Variants in KLF5 observed in about 807,000 individuals in gnomAD.
KLF5 encodes Krueppel-like factor 5.
Under a neutral mutation model 36.9 loss-of-function variants are expected in KLF5, and 9 were observed. That is an observed-to-expected ratio of 0.24 (90% CI 0.15 to 0.43). KLF5 has a LOEUF of 0.43. Among genes scored for constraint, KLF5 ranks in the 20% least tolerant of loss-of-function variants. The pLI is 1.00. For synonymous variants in KLF5, 246 were observed against 241.7 expected, an observed-to-expected ratio of 1.02 and a Z score of -0.17; for missense variants, 524 against 599.5, an observed-to-expected ratio of 0.87 and a Z score of 1.31.
Position 73,062,324 on chromosome 13 carries a change from C to T in KLF5, c.725C>T (p.Ser242Phe), listed in dbSNP as rs773535185. 1 of 1,614,180 alleles carries T rather than the reference C, an allele frequency of 6.2e-7. No homozygotes were observed. The highest frequency in any genetic ancestry group is 1.1e-5 in the South Asian group (1 of 91,086). The part of the protein sequence containing the change: ...LNTPDLDMPS[S>F]TNQTAAMDTL... Reference sequence around the variant, plus strand: ...ACACCGGATCTAGATATGCCCAGTTCTACAAATCAGACAGCAGCAATGGAC... The same window carrying T: ...ACACCGGATCTAGATATGCCCAGTTTTACAAATCAGACAGCAGCAATGGAC... The change falls in exon 2 of 4, where the codon TCT becomes TTT. Residue 242 changes from serine to phenylalanine, a missense_variant. This residue lies in a region of KLF5 where 454 missense variants were observed against 458.1 expected (regional missense o/e 0.99). Coordinates refer to ENST00000377687, the MANE Select transcript of KLF5 (RefSeq NM_001730.5).
intron 3 of KLF5, among the ~76,000 whole-genome samples, chr13:73,071,248 C>G (rs531787765): frequency 6.6e-6 from 1 of 152,006 alleles, no homozygotes; most frequent in African/African-American, 2.4e-5. Context: ...AGTGAGGTAT[C>G]GGATTTTAAA....
At chr13:73,059,813 C>A in intron 1 of KLF5, 7 of 900,606 alleles carry the variant, frequency 7.8e-6, no homozygotes, top group Non-Finnish European at 9.3e-6. Flanking sequence ...GGAGGGGAAT[C>A]TGCCCCGGCG....
Position 73,061,624 on chromosome 13 carries a change from C to T in KLF5, c.262-237C>T, listed in dbSNP as rs145332588. Among the ~76,000 whole-genome samples the T allele has an allele frequency of 9.8e-4, 149 of 152,188 alleles. 1 individual carries two copies. Among genetic ancestry groups the T allele is most frequent in the African/African-American group, 3.4e-3 (143 of 41,522 alleles). The stretch of plus-strand genomic sequence containing the variant: ...TTTTATTCTTGATTTGCGTCTTTCA[C>T]TTTTGGGGGTGATTGGGGGAGCAGT... On this transcript the variant is annotated intron_variant, in intron 1 of 3. Transcript: ENST00000377687.
At chr13:73,074,091 T>C (rs1236531104) in intron 3 of KLF5, among the ~76,000 whole-genome samples, 1 of 152,084 alleles carries the variant, frequency 6.6e-6, no homozygotes, top group African/African-American at 2.4e-5. Context: ...CCATGGGAAA[T>C]GTAGGTGAAC....
chr13:73,076,803 A>T lies in KLF5; in HGVS notation c.*917A>T, dbSNP rs1566568027. ...ACTTAGGGTGTCGTTTTCACATATGACAATGTTGCATTTATGATGCAGTTT... is the reference window on the plus strand; with the variant it reads ...ACTTAGGGTGTCGTTTTCACATATGTCAATGTTGCATTTATGATGCAGTTT... On this transcript the variant is annotated 3_prime_UTR_variant, in exon 4 of 4. Coordinates refer to ENST00000377687, the MANE Select transcript of KLF5 (RefSeq NM_001730.5). The T allele has an allele frequency of 2.6e-5, 4 of 152,228 alleles. No homozygotes were observed. The highest frequency in any genetic ancestry group is 5.9e-5 in the Non-Finnish European group (4 of 68,034). 9.4% of individuals were successfully genotyped at this position (152,228 alleles called of 1,614,324 possible). A position where few individuals can be genotyped will look rare whatever the true frequency, so the allele number is the denominator to read the frequency against.
At chr13:73,067,620 C>G (rs574439481) in intron 3 of KLF5, among the ~76,000 whole-genome samples, 1 of 152,062 alleles carries the variant, frequency 6.6e-6, no homozygotes, top group African/African-American at 2.4e-5. Context: ...CTATCTGGAA[C>G]AGGGCAAGAA....
intron 1 of KLF5, among the ~76,000 whole-genome samples, chr13:73,061,476 ACATTTCAATACTGTACTCT>A (rs2044634412): frequency 1.3e-5 from 2 of 152,258 alleles, no homozygotes; most frequent in Non-Finnish European, 2.9e-5. Flanking sequence ...TAGTTTGGCA[ACATTTCAATACTGTACTCT>A]AATTGCAAAC....
chr13:73,074,054 A>G (rs1186660784), intron 3 of KLF5, among the ~76,000 whole-genome samples: 1 of 152,214 alleles, frequency 6.6e-6, no homozygotes, highest in Non-Finnish European at 1.5e-5. Context: ...AGGAGAGAAG[A>G]GAGGAAGTAT....
rs1444728959 is a variant in KLF5 at position 73,062,412 on chromosome 13, G to T, written c.813G>T (p.Pro271=). ...TTAACACACACACCTCTGCTGTTCC[G>T]CAGACTGCAGTGAAACAATTCCAGG... ...AGLNTHTSAV[P]QTAVKQFQGM... Residue 271 remains proline, a synonymous_variant, in exon 2 of 4, where the codon CCG becomes CCT. Coordinates refer to ENST00000377687, the MANE Select transcript of KLF5 (RefSeq NM_001730.5). 6.2e-7 allele frequency: 1 copy of T among 1,613,992 alleles called. No homozygotes were observed. Among genetic ancestry groups the T allele is most frequent in the African/African-American group, 1.3e-5 (1 of 74,888 alleles).
intron 3 of KLF5, among the ~76,000 whole-genome samples, chr13:73,070,388 CT>C (rs779139158): frequency 3.3e-5 from 5 of 152,302 alleles, no homozygotes; most frequent in Non-Finnish European, 7.4e-5. Flanking sequence ...CTCATTGACA[CT>C]TTAACGTCAG....
At chr13:73,074,901 T>G (rs1283077516) in intron 3 of KLF5, 1 of 152,230 alleles carries the variant, frequency 6.6e-6, no homozygotes. Context: ...AATAGATGCT[T>G]GGCGAATTGT....
chr13:73,073,259 T>G (rs2044735134), intron 3 of KLF5, among the ~76,000 whole-genome samples: 1 of 152,242 alleles, frequency 6.6e-6, no homozygotes, highest in Non-Finnish European at 1.5e-5. Flanking sequence ...GTGTTGACAC[T>G]TGAACAAATC....
intron 3 of KLF5, among the ~76,000 whole-genome samples, chr13:73,072,233 A>G (rs906060405): frequency 5.3e-5 from 8 of 152,182 alleles, no homozygotes; most frequent in African/African-American, 1.9e-4. Context: ...GGGGGGAAAA[A>G]AAAGGACAAT....
upstream of KLF5, among the ~76,000 whole-genome samples, chr13:73,055,544 CT>C (rs2044577977): frequency 6.6e-6 from 1 of 152,014 alleles, no homozygotes; most frequent in Admixed American, 6.6e-5. Flanking sequence ...AGGCTATTTC[CT>C]TAATGACTTT....
At chr13:73,072,672 G>A (rs1021139297) in intron 3 of KLF5, among the ~76,000 whole-genome samples, 9 of 152,206 alleles carry the variant, frequency 5.9e-5, no homozygotes, top group African/African-American at 2.2e-4. Context: ...CGGGGTTATT[G>A]TGAGGAAGCG....
chr13:73,059,132 C>T lies in KLF5; in HGVS notation c.-196C>T, dbSNP rs1299204288. On this transcript the variant is annotated 5_prime_UTR_variant, in exon 1 of 4. Coordinates refer to ENST00000377687, the MANE Select transcript of KLF5 (RefSeq NM_001730.5). ...AAAGTGGCCGCCCGGAGGACGTTGG[C>T]GTTTACGTGTGGAAGAGCGGAAGAG... 4.6e-6 allele frequency: 2 copies of T among 435,182 alleles called. No individual in the cohort carries two copies. Among genetic ancestry groups the T allele is most frequent in the Admixed American group, 4.5e-5 (1 of 22,120 alleles). The allele number at this position is 435,182 out of a possible 1,614,324, so 27.0% of individuals were successfully genotyped here.
chr13:73,077,376 G>A lies in KLF5; in HGVS notation c.*1490G>A, dbSNP rs994725034. 1.3e-5 allele frequency: 2 copies of A among 152,564 alleles called. No individual in the cohort carries two copies. Among genetic ancestry groups the A allele is most frequent in the South Asian group, 2.1e-4 (1 of 4,830 alleles). 9.5% of individuals were successfully genotyped at this position (152,564 alleles called of 1,614,324 possible). The stretch of plus-strand genomic sequence containing the variant: ...CACACCTACATGAAAAGCAGAAATC[G>A]GTTGCTGTTTTGCTTCTTTTTCCCT... On this transcript the variant is annotated 3_prime_UTR_variant, in exon 4 of 4. Transcript: ENST00000377687.
chr13:73,075,638 C>A, intron 3 of KLF5, 70 bp from the exon 4 acceptor site: 1 of 1,289,670 alleles, frequency 7.8e-7, no homozygotes, highest in Non-Finnish European at 1.1e-6. Context: ...TTTGAAATTC[C>A]TTCTCCGGTG....
At chr13:73,056,062 A>AT (rs1435408063), upstream of KLF5, among the ~76,000 whole-genome samples, 1 of 151,652 alleles carries the variant, frequency 6.6e-6, no homozygotes, top group Non-Finnish European at 1.5e-5. Flanking sequence ...CTATTTATCT[A>AT]TTTTTTTCCA....
Sources: gnomAD v4.1 joint callset for allele counts (sites outside exome capture counted in the v4.1 genomes callset) on GRCh38, gnomAD v4.1.1 for gene constraint, gnomAD v4.1.1 regional missense constraint, MANE v1.5 for transcripts, NCBI Gene and HGNC (gene_info 2026-07-23, HGNC 2026-07-21) for gene names.